The following ITCH variants were observed in gnomAD, a reference collection of about 807,000 sequenced individuals.
The protein encoded by ITCH is E3 ubiquitin-protein ligase Itchy homolog.
In ITCH, 28 loss-of-function variants were observed where a neutral mutation model predicts 126.8. The ratio of observed to expected loss-of-function variants is 0.22; its 90% CI spans 0.16 to 0.30. The LOEUF is 0.30. Ranked by LOEUF, ITCH falls within the 10% of genes least tolerant of loss-of-function variation. The probability of loss-of-function intolerance (pLI) is 1.00; values close to 1 mark genes in which losing one functional copy is unlikely to be tolerated. For missense variants in ITCH, 631 were observed against 1,032.4 expected (o/e 0.61, Z 5.33); for synonymous variants, 342 against 340.0 (o/e 1.01, Z -0.06).
At chr20:34,446,782 A>G (rs1984520624) in intron 11 of ITCH, among the ~76,000 whole-genome samples, 1 of 152,198 alleles carries the variant, frequency 6.6e-6, no homozygotes, top group Non-Finnish European at 1.5e-5. Context: ...TGGAAAGAGC[A>G]TGGGCTTTGG....
chr20:34,492,503 T>G lies in ITCH; in HGVS notation c.2322T>G (p.Phe774Leu), dbSNP rs1569001011. ...TSKQIMWFWQ[F>L]VKEIDNEKRM... ...CTCTTTAAATATACTTTTAACAGTTTGTTAAAGAAATTGATAATGAGAAGA... is the reference window on the plus strand; with the variant it reads ...CTCTTTAAATATACTTTTAACAGTTGGTTAAAGAAATTGATAATGAGAAGA... The change falls in exon 23 of 25, where the codon TTT (phenylalanine) becomes TTG (leucine). Residue 774 changes from phenylalanine to leucine, a missense_variant and splice_region_variant. Phe to Leu is a conservative substitution (Grantham distance 22). Coordinates refer to ENST00000374864, the MANE Select transcript of ITCH (RefSeq NM_031483.7). 1.3e-6 allele frequency: 2 copies of G among 1,573,534 alleles called. No individual in the cohort carries two copies. The highest frequency in any genetic ancestry group is 1.7e-6 in the Non-Finnish European group (2 of 1,142,922).
chr20:34,446,407 G>C (rs142616215), intron 11 of ITCH, among the ~76,000 whole-genome samples: 1 of 152,018 alleles, frequency 6.6e-6, no homozygotes, highest in Non-Finnish European at 1.5e-5. Context: ...TCATATTCTT[G>C]TCTATTCCTT....
intron 17 of ITCH, among the ~76,000 whole-genome samples, chr20:34,479,339 A>G (rs1988520314): frequency 6.6e-6 from 1 of 152,222 alleles, no homozygotes; most frequent in Non-Finnish European, 1.5e-5. Flanking sequence ...ATTACGATGT[A>G]TCTCAGGTAA....
At chr20:34,380,881 G>A (rs991098339) in intron 2 of ITCH, among the ~76,000 whole-genome samples, 2 of 151,698 alleles carry the variant, frequency 1.3e-5, no homozygotes, top group African/African-American at 2.4e-5. Context: ...TCCACCTCCC[G>A]GGTTCAGGAG....
At chr20:34,475,829 T>TA in intron 16 of ITCH, 1 of 723,160 alleles carries the variant, frequency 1.4e-6, no homozygotes, top group Non-Finnish European at 2.4e-6. Flanking sequence ...CTAGTCATAA[T>TA]ACAGAATCCA....
In ITCH at chr20:34,383,051, AT is replaced by A. The variant is rs984439519; in HGVS notation, c.-21-10732del. ...GCCACCGCGCCCAGTCCTTTTTTAA[AT>A]TTTTTTTCAGACAGGGTCCTACTTT... is the stretch of plus-strand genomic sequence containing the variant. On this transcript the variant is annotated intron_variant, in intron 2 of 24. Transcript: ENST00000374864. 1.0e-3 allele frequency among the ~76,000 whole-genome samples: 153 copies of A among 150,226 alleles called. 1 individual carries two copies. Among genetic ancestry groups the A allele is most frequent in the Non-Finnish European group, 1.9e-3 (126 of 67,506 alleles).
In ITCH at chr20:34,479,722, A is replaced by AC. The variant is rs1374473321; in HGVS notation, c.1755dup (p.Ala586ArgfsTer39). On this transcript the variant is annotated frameshift_variant, in exon 18 of 25. Coordinates refer to ENST00000374864, the MANE Select transcript of ITCH (RefSeq NM_031483.7). LOFTEE classifies it high-confidence loss of function. ...AAGGATAACTACTGCTTGCAGATAA[A>AC]CCCCGCTTCTTACATCAATCCAGAT... The AC allele has an allele frequency of 6.2e-7, 1 of 1,613,886 alleles. No individual in the cohort carries two copies. The highest frequency in any genetic ancestry group is 8.5e-7 in the Non-Finnish European group (1 of 1,179,982).
intron 2 of ITCH, among the ~76,000 whole-genome samples, chr20:34,371,287 T>C (rs1181159314): frequency 6.8e-6 from 1 of 146,604 alleles, no homozygotes; most frequent in Non-Finnish European, 1.5e-5. Flanking sequence ...TTCTTTTTTT[T>C]TTTTTTTTTT....
chr20:34,481,971 A>G (rs111805184), intron 20 of ITCH, among the ~76,000 whole-genome samples: 8,535 of 152,274 alleles, frequency 0.056, 773 homozygotes, highest in African/African-American at 0.19. Flanking sequence ...GGATAGCACC[A>G]CTGCACTCCA....
At chr20:34,493,757 G>C (rs1345791594) in intron 23 of ITCH, among the ~76,000 whole-genome samples, 2 of 152,228 alleles carry the variant, frequency 1.3e-5, no homozygotes, top group African/African-American at 2.4e-5. Context: ...GAAAACCCCA[G>C]GGAAGCAGCT....
At chr20:34,456,919 G>GA (rs985108865) in intron 12 of ITCH, among the ~76,000 whole-genome samples, 88 of 140,994 alleles carry the variant, frequency 6.2e-4, no homozygotes, top group South Asian at 6.7e-4. Flanking sequence ...ATGTAGTATG[G>GA]AAAAAAAAAA....
At chr20:34,411,474 A>G (rs1979033568) in intron 4 of ITCH, among the ~76,000 whole-genome samples, 1 of 152,144 alleles carries the variant, frequency 6.6e-6, no homozygotes, top group Non-Finnish European at 1.5e-5. Context: ...TTCCTAATAC[A>G]ATATATAATA....
At chr20:34,489,554 A>G (rs1230597207) in intron 21 of ITCH, among the ~76,000 whole-genome samples, 168 bp downstream of exon 21, 1 of 152,234 alleles carries the variant, frequency 6.6e-6, no homozygotes, top group Admixed American at 6.5e-5. Flanking sequence ...TTATCCAAAG[A>G]TAAAACAATA....
chr20:34,371,770 C>T (rs1317741828), intron 2 of ITCH, among the ~76,000 whole-genome samples: 1 of 152,130 alleles, frequency 6.6e-6, no homozygotes, highest in Non-Finnish European at 1.5e-5. Flanking sequence ...GTATTTGAGC[C>T]AACATTCAGG....
chr20:34,418,075 T>C (rs1245615008), intron 6 of ITCH, among the ~76,000 whole-genome samples: 2 of 151,622 alleles, frequency 1.3e-5, no homozygotes, highest in African/African-American at 4.9e-5. Flanking sequence ...CAAGTGATCC[T>C]TCCACCTCAG....
chr20:34,460,582 C>T (rs1029806626), intron 13 of ITCH, among the ~76,000 whole-genome samples: 11 of 152,024 alleles, frequency 7.2e-5, no homozygotes, highest in African/African-American at 2.7e-4. Flanking sequence ...TCATTTGTTC[C>T]TCATCTAGTC....
intron 19 of ITCH, 55 bp from the exon 20 acceptor site, chr20:34,481,010 AT>A: frequency 6.4e-7 from 1 of 1,572,472 alleles, no homozygotes; most frequent in Non-Finnish European, 8.7e-7. Flanking sequence ...TTAAAAACTT[AT>A]AAATTATGAT....
chr20:34,456,181 TGTG>T, intron 12 of ITCH, among the ~76,000 whole-genome samples: 1 of 36,484 alleles, frequency 2.7e-5, no homozygotes, highest in East Asian at 8.6e-4. Context: ...TGTGTGTGTG[TGTG>T]TATATATATA....
chr20:34,368,550 C>T (rs2037504799), intron 1 of ITCH, among the ~76,000 whole-genome samples: 2 of 151,796 alleles, frequency 1.3e-5, no homozygotes, highest in South Asian at 4.1e-4. Context: ...TTAGGGGGTT[C>T]ACAGAATTGA....
Sources: gnomAD v4.1 joint callset for allele counts (sites outside exome capture counted in the v4.1 genomes callset) on GRCh38, gnomAD v4.1.1 for gene constraint, MANE v1.5 for transcripts, NCBI Gene and HGNC (gene_info 2026-07-23, HGNC 2026-07-21) for gene names.